EXOC6B: variants seen among roughly 807,000 people sequenced by gnomAD.
The protein encoded by EXOC6B is SEC15 homolog B.
Under a neutral mutation model 113.5 loss-of-function variants are expected in EXOC6B, and 54 were observed. The observed-to-expected ratio is 0.48, with a 90% CI of 0.38 to 0.60. EXOC6B has a LOEUF of 0.60. EXOC6B is among the 20% of genes least tolerant of loss of function. The pLI is 0.00. For missense variants in EXOC6B, 797 were observed against 977.5 expected (o/e 0.82, Z 2.46); for synonymous variants, 357 against 339.0 (o/e 1.05, Z -0.58).
chr2:72,481,561 A>G (rs562226503), intron 16 of EXOC6B, among the ~76,000 whole-genome samples: 2 of 152,240 alleles, frequency 1.3e-5, no homozygotes, highest in Non-Finnish European at 2.9e-5. Flanking sequence ...AGAGATTACA[A>G]TATGTTAATA....
intron 6 of EXOC6B, among the ~76,000 whole-genome samples, chr2:72,671,552 G>A (rs978694068): frequency 4.0e-5 from 6 of 151,874 alleles, no homozygotes; most frequent in Non-Finnish European, 7.4e-5. Context: ...TAAGTAATTC[G>A]CCGGGCGTGG....
intron 11 of EXOC6B, among the ~76,000 whole-genome samples, chr2:72,502,981 T>C (rs1700405940): frequency 6.6e-6 from 1 of 152,204 alleles, no homozygotes; most frequent in African/African-American, 2.4e-5. Flanking sequence ...GAATTAAATA[T>C]CTCAATTCTT....
At chr2:72,535,274 T>C (rs1431248465) in intron 8 of EXOC6B, among the ~76,000 whole-genome samples, 1 of 152,184 alleles carries the variant, frequency 6.6e-6, no homozygotes, top group Non-Finnish European at 1.5e-5. Flanking sequence ...AAAATGTACC[T>C]GCAACAAATA....
chr2:72,467,551 G>A (rs1698130295), intron 17 of EXOC6B, among the ~76,000 whole-genome samples: 1 of 152,002 alleles, frequency 6.6e-6, no homozygotes, highest in African/African-American at 2.4e-5. Flanking sequence ...TATCATTGTG[G>A]TTTTAGTTTG....
chr2:72,783,318 C>CTTTTTTTTTTTTTT (rs70963146), intron 1 of EXOC6B, among the ~76,000 whole-genome samples: 143 of 60,358 alleles, frequency 2.4e-3, no homozygotes, highest in African/African-American at 2.7e-3. Flanking sequence ...TTTTTCTTTT[C>CTTTTTTTTTTTTTT]TTTTTTTTTT....
chr2:72,435,928 G>A (rs1248717507), intron 18 of EXOC6B, among the ~76,000 whole-genome samples: 5 of 152,120 alleles, frequency 3.3e-5, no homozygotes, highest in Admixed American at 3.3e-4. Context: ...GTGTGAATTT[G>A]ATCCTGTCAT....
chr2:72,395,156 T>C (rs763471392), intron 18 of EXOC6B, among the ~76,000 whole-genome samples: 4 of 152,142 alleles, frequency 2.6e-5, no homozygotes, highest in Admixed American at 6.5e-5. Flanking sequence ...TATTAAAATA[T>C]TAACTAAAGC....
At chr2:72,486,065 G>C (rs945104176) in intron 16 of EXOC6B, among the ~76,000 whole-genome samples, 3 of 152,160 alleles carry the variant, frequency 2.0e-5, no homozygotes, top group African/African-American at 7.2e-5. Flanking sequence ...AGCTAAATAT[G>C]ATTTAAGAAA....
intron 6 of EXOC6B, among the ~76,000 whole-genome samples, chr2:72,707,532 G>C (rs985523377): frequency 2.0e-5 from 3 of 151,630 alleles, no homozygotes; most frequent in African/African-American, 7.3e-5. Context: ...TCCTGCCTCA[G>C]CCTCCCGAGT....
intron 6 of EXOC6B, among the ~76,000 whole-genome samples, chr2:72,626,361 A>T (rs1173433619): frequency 2.0e-5 from 3 of 152,070 alleles, no homozygotes; most frequent in Non-Finnish European, 4.4e-5. Context: ...ATAGATCTCA[A>T]ATCTAAATTA....
chr2:72,753,373 G>T (rs1682187147), intron 1 of EXOC6B, among the ~76,000 whole-genome samples: 1 of 151,690 alleles, frequency 6.6e-6, no homozygotes, highest in African/African-American at 2.4e-5. Flanking sequence ...CATTAACCTT[G>T]ACACCTCACT....
intron 18 of EXOC6B, among the ~76,000 whole-genome samples, chr2:72,449,188 AT>A (rs202081228): frequency 1.0e-3 from 148 of 147,728 alleles, no homozygotes; most frequent in African/African-American, 2.8e-3. Context: ...AGCATTGTCA[AT>A]TTTTTTTTTT....
chr2:72,764,551 T>A (rs1682950129), intron 1 of EXOC6B, among the ~76,000 whole-genome samples: 1 of 151,900 alleles, frequency 6.6e-6, no homozygotes, highest in African/African-American at 2.4e-5. Context: ...TTATTTTTTG[T>A]AGAGATGGGG....
Position 72,244,051 on chromosome 2 carries a change from T to C in EXOC6B, c.2197-59864A>G, listed in dbSNP as rs140066051. Among the ~76,000 whole-genome samples, 35 of 152,274 alleles carry C rather than the reference T, an allele frequency of 2.3e-4. 1 individual carries two copies. In the East Asian group the frequency reaches 6.6e-3, roughly 29 times the overall value. On this transcript the variant is annotated intron_variant, in intron 20 of 21. Transcript: ENST00000272427. Reference sequence around the variant, plus strand: ...GAACTGAATAGCACCATCAATCAAATAGACCAAATTGGCATTCATATAAAA... The same window carrying C: ...GAACTGAATAGCACCATCAATCAAACAGACCAAATTGGCATTCATATAAAA...
chr2:72,738,196 C>T (rs1681085938), intron 2 of EXOC6B, among the ~76,000 whole-genome samples: 1 of 152,090 alleles, frequency 6.6e-6, no homozygotes, highest in African/African-American at 2.4e-5. Context: ...AAATTGTTCT[C>T]AATTTACACT....
intron 6 of EXOC6B, among the ~76,000 whole-genome samples, chr2:72,665,911 G>C (rs1385436194): frequency 6.6e-6 from 1 of 152,104 alleles, no homozygotes; most frequent in African/African-American, 2.4e-5. Flanking sequence ...TGAATAAAAA[G>C]ATGACCCAAT....
chr2:72,620,656 G>A (rs532649471), intron 6 of EXOC6B, among the ~76,000 whole-genome samples: 41 of 151,636 alleles, frequency 2.7e-4, no homozygotes, highest in African/African-American at 7.5e-4. Flanking sequence ...ATTGAAAACC[G>A]GAAGCAAGTT....
intron 19 of EXOC6B, among the ~76,000 whole-genome samples, chr2:72,336,834 C>T (rs1688718169): frequency 6.6e-6 from 1 of 151,880 alleles, no homozygotes; most frequent in Non-Finnish European, 1.5e-5. Flanking sequence ...TGGTGAAATC[C>T]CGTCTCTACT....
At chr2:72,410,333 C>CTT (rs1236075370) in intron 18 of EXOC6B, among the ~76,000 whole-genome samples, 4 of 152,102 alleles carry the variant, frequency 2.6e-5, no homozygotes, top group Non-Finnish European at 5.9e-5. Context: ...ATTTGTTCTC[C>CTT]TTTTTTATGA....
Sources: allele counts gnomAD v4.1 joint callset (sites outside exome capture counted in the v4.1 genomes callset), GRCh38; gene constraint gnomAD v4.1.1; transcripts MANE v1.5; gene names NCBI Gene and HGNC (gene_info 2026-07-23, HGNC 2026-07-21).